NOS1: variants seen among roughly 807,000 people sequenced by gnomAD.
NOS1 encodes the protein NOS type I.
NOS1 carries 51 observed loss-of-function variants against 164.5 expected under a neutral mutation model. That is an observed-to-expected ratio of 0.31 (90% CI 0.25 to 0.39). The LOEUF (loss-of-function observed/expected upper bound fraction) is 0.39, where lower values mean the gene tolerates loss of function less well. Among genes scored for constraint, NOS1 ranks in the 10% least tolerant of loss-of-function variants. The pLI, the probability that NOS1 is intolerant of heterozygous loss-of-function variation, is 1.00. For missense variants in NOS1, 1,362 were observed against 1,885.6 expected (o/e 0.72, Z 5.14); for synonymous variants, 719 against 745.8 (o/e 0.96, Z 0.59).
intron 17 of NOS1, among the ~76,000 whole-genome samples, chr12:117,251,820 C>T (rs549018189): frequency 6.6e-6 from 1 of 152,082 alleles, no homozygotes; most frequent in East Asian, 1.9e-4. Context: ...TAACCTCTGC[C>T]TCCCAGGCTC....
chr12:117,267,081 CTTGAT>C (rs1388469478), intron 11 of NOS1, among the ~76,000 whole-genome samples: 5 of 152,328 alleles, frequency 3.3e-5, no homozygotes, highest in African/African-American at 1.2e-4. Context: ...CCATCCATGG[CTTGAT>C]TTAACACATT....
intron 21 of NOS1, among the ~76,000 whole-genome samples, chr12:117,233,682 C>T (rs558787316): frequency 1.3e-5 from 2 of 151,944 alleles, no homozygotes; most frequent in South Asian, 4.2e-4. Flanking sequence ...GTGGCACGCG[C>T]CTGTAATCCC....
At chr12:117,315,376 A>T (rs932889658) in intron 2 of NOS1, among the ~76,000 whole-genome samples, 3 of 151,976 alleles carry the variant, frequency 2.0e-5, no homozygotes, top group East Asian at 1.9e-4. Context: ...ACTAATTTTT[A>T]AAATTTTTTT....
chr12:117,300,164 G>A (rs1469318753), intron 3 of NOS1, among the ~76,000 whole-genome samples: 2 of 152,148 alleles, frequency 1.3e-5, no homozygotes, highest in Admixed American at 1.3e-4. Context: ...TTGGTGGGAG[G>A]TTGGTTTTGG....
intron 3 of NOS1, among the ~76,000 whole-genome samples, chr12:117,292,697 T>C (rs1160865410): frequency 6.6e-6 from 1 of 152,216 alleles, no homozygotes; most frequent in Non-Finnish European, 1.5e-5. Flanking sequence ...TCCCAAACCA[T>C]GCCCTTAACA....
intron 21 of NOS1, among the ~76,000 whole-genome samples, chr12:117,233,345 G>C (rs535974861): frequency 6.6e-6 from 1 of 151,148 alleles, no homozygotes; most frequent in Admixed American, 6.6e-5. Flanking sequence ...AACCATGCCC[G>C]GCCTGATGCC....
intron 21 of NOS1, among the ~76,000 whole-genome samples, chr12:117,232,846 G>A (rs921392059): frequency 5.3e-5 from 8 of 151,604 alleles, no homozygotes; most frequent in Non-Finnish European, 1.2e-4. Flanking sequence ...TACTGTCTGG[G>A]TTGGATTTAT....
chr12:117,265,324 C>T lies in NOS1; in HGVS notation c.2128G>A (p.Glu710Lys), dbSNP rs1872298592. ...MLNYRLTPSF[E>K]YQPDPWNTHV... ...CAGGGACAGGGAAGGACCTGGTATT[C>T]GAAGGAGGGGGTGAGCCGGTAGTTG... Residue 710 changes from glutamate (E) to lysine (K), a missense_variant, in exon 12 of 29, where the codon GAA (glutamate) becomes AAA (lysine). Physicochemically the swap from Glu to Lys is moderately conservative, Grantham distance 56. Transcript: ENST00000317775. 9 of 1,543,368 alleles carry T rather than the reference C, an allele frequency of 5.8e-6. No individual in the cohort carries two copies. The highest frequency in any genetic ancestry group is 5.1e-5 in the South Asian group (4 of 78,356).
intron 24 of NOS1, among the ~76,000 whole-genome samples, chr12:117,226,053 C>G (rs1868646245): frequency 6.6e-6 from 1 of 152,188 alleles, no homozygotes; most frequent in African/African-American, 2.4e-5. Flanking sequence ...CATCTGGGCT[C>G]AGGACTCTAT....
chr12:117,346,128 C>T (rs1471916835), intron 1 of NOS1, among the ~76,000 whole-genome samples: 1 of 152,142 alleles, frequency 6.6e-6, no homozygotes, highest in African/African-American at 2.4e-5. Flanking sequence ...GATGGCATGG[C>T]CCATTACAAA....
chr12:117,263,789 T>C, intron 13 of NOS1, 100 bp downstream of exon 13: 1 of 852,678 alleles, frequency 1.2e-6, no homozygotes, highest in Non-Finnish European at 2.0e-6. Context: ...TCATATTCTG[T>C]AGAGAGGTCA....
In NOS1 at chr12:117,330,326, A is replaced by ACC; in HGVS notation, c.725+18_725+19insGG. The ACC allele has an allele frequency of 1.9e-6, 3 of 1,597,090 alleles. No individual in the cohort carries two copies. The Admixed American group carries it at 5.1e-5, about 27-fold the overall frequency. On this transcript the variant is annotated intron_variant, in intron 2 of 28. Coordinates refer to ENST00000317775, the MANE Select transcript of NOS1 (RefSeq NM_000620.5). This position sits in a 1 kb window ranked among gnomAD's most constrained non-coding sequence, Gnocchi z 4.6. The stretch of plus-strand genomic sequence containing the variant: ...CACACACACACACACACACACACAC[A>ACC]CACCCCTGTGGAGCTTACCTGTCCA...
At chr12:117,268,214 G>C (rs763875081) in intron 10 of NOS1, 70 bp from the exon 11 acceptor site, 2 of 999,848 alleles carry the variant, frequency 2.0e-6, no homozygotes, top group East Asian at 4.8e-5. Flanking sequence ...GAGGGACAGG[G>C]CTAGTGGCGT....
chr12:117,255,404 TA>T (rs972541265), intron 16 of NOS1, among the ~76,000 whole-genome samples: 4 of 151,506 alleles, frequency 2.6e-5, no homozygotes, highest in Admixed American at 1.3e-4. Context: ...ATGAGAAAAT[TA>T]AAAAAAGAGA....
In NOS1 at chr12:117,218,155, G is replaced by T. The variant is rs751893456; in HGVS notation, c.4180C>A (p.Arg1394=). ...ACTCCAAAAATATCCTCATGGTATC[G>T]GTTGTCATCCTAGAAGACAGAAACA... ...VFISRMRDDN[R]YHEDIFGVTL... Residue 1394 remains arginine, a synonymous_variant, in exon 28 of 29, where the codon CGA becomes AGA. Coordinates refer to ENST00000317775, the MANE Select transcript of NOS1 (RefSeq NM_000620.5). The T allele has an allele frequency of 1.9e-6, 3 of 1,613,246 alleles. No homozygotes were observed. The highest frequency in any genetic ancestry group is 2.5e-6 in the Non-Finnish European group (3 of 1,179,250).
intron 3 of NOS1, among the ~76,000 whole-genome samples, chr12:117,301,715 TC>T (rs1483995021): frequency 6.6e-5 from 10 of 152,080 alleles, no homozygotes; most frequent in Admixed American, 2.0e-4. Context: ...ATCACATCTG[TC>T]CCATTGATTT....
At position 117,307,926 on chromosome 12, in the gene NOS1, G is replaced by A. The variant is rs1358563376; in HGVS notation, c.852+3540C>T. On this transcript the variant is annotated intron_variant, in intron 3 of 28. Coordinates refer to ENST00000317775, the MANE Select transcript of NOS1 (RefSeq NM_000620.5). ...GCTACTCAGGAGGCTGAGGGGGGAGGATTGCTTGAACCCAGGAGGCGGAGG... is the reference window on the plus strand; with the variant it reads ...GCTACTCAGGAGGCTGAGGGGGGAGAATTGCTTGAACCCAGGAGGCGGAGG... 3.3e-5 allele frequency among the ~76,000 whole-genome samples: 5 copies of A among 151,918 alleles called. No individual in the cohort carries two copies. In the East Asian group the frequency reaches 9.7e-4, roughly 30 times the overall value.
chr12:117,255,509 A>C (rs747585656), intron 16 of NOS1, among the ~76,000 whole-genome samples: 4 of 152,236 alleles, frequency 2.6e-5, no homozygotes, highest in Admixed American at 6.5e-5. Context: ...AAAGTTCTAA[A>C]TATATGTAAG....
rs370037215 is a variant in NOS1, at chr12:117,218,181, G to T, written c.4171-17C>A. The T allele has an allele frequency of 2.5e-6, 4 of 1,580,674 alleles. No individual in the cohort carries two copies. In the African/African-American group the frequency reaches 4.0e-5, roughly 16 times the overall value. On this transcript the variant is annotated splice_polypyrimidine_tract_variant and intron_variant, in intron 27 of 28. Transcript: ENST00000317775. ...GTTGTCATCCTAGAAGACAGAAACA[G>T]CCAGAAAACAGCTCTCAAATGCCAG...
Sources: allele counts gnomAD v4.1 joint callset (sites outside exome capture counted in the v4.1 genomes callset), GRCh38; gene constraint gnomAD v4.1.1; non-coding constraint Gnocchi (gnomAD v3.1); transcripts MANE v1.5; gene names NCBI Gene and HGNC (gene_info 2026-07-23, HGNC 2026-07-21).